TLK1: variants seen among roughly 807,000 people sequenced by gnomAD.
TLK1 encodes tousled like kinase 1, also known as serine/threonine-protein kinase tousled-like 1.
Under a neutral mutation model 105.3 loss-of-function variants are expected in TLK1, and 24 were observed. The ratio of observed to expected loss-of-function variants is 0.23; its 90% CI spans 0.17 to 0.32. The LOEUF is 0.32. Among genes scored for constraint, TLK1 ranks in the 10% least tolerant of loss-of-function variants. TLK1 has a pLI of 1.00. For synonymous variants in TLK1, 321 were observed against 310.4 expected (o/e 1.03, Z -0.36); for missense variants, 558 against 910.5 (o/e 0.61, Z 4.98).
upstream of TLK1, among the ~76,000 whole-genome samples, chr2:171,165,136 G>A (rs1475900281): frequency 6.6e-6 from 1 of 152,326 alleles, no homozygotes; most frequent in South Asian, 2.1e-4. Context: ...TTCCATGGAG[G>A]AATATTCCCA....
intron 2 of TLK1, among the ~76,000 whole-genome samples, chr2:171,093,317 A>T (rs1243741824): frequency 6.6e-6 from 1 of 152,208 alleles, no homozygotes; most frequent in Non-Finnish European, 1.5e-5. Flanking sequence ...GGTGTTGAAG[A>T]GGGACACAGG....
intron 3 of TLK1, among the ~76,000 whole-genome samples, chr2:171,068,221 C>T (rs1030543177): frequency 6.6e-6 from 1 of 151,898 alleles, no homozygotes; most frequent in African/African-American, 2.4e-5. Flanking sequence ...CCCAACTACT[C>T]GGGAGGTTGA....
intron 3 of TLK1, among the ~76,000 whole-genome samples, chr2:171,061,586 G>A (rs1687752177): frequency 1.3e-5 from 2 of 152,132 alleles, no homozygotes; most frequent in African/African-American, 4.8e-5. Flanking sequence ...GAAAAAAGGG[G>A]CAGAACACAA....
At position 171,009,339 on chromosome 2, in the gene TLK1, TGTCCCCCAGG is replaced by T. The variant is rs1684800639; in HGVS notation, c.1416+2024_1416+2033del. Among the ~76,000 whole-genome samples the T allele has an allele frequency of 5.7e-5, 8 of 140,216 alleles. No homozygotes were observed. The South Asian group carries it at 1.6e-3, about 29-fold the overall frequency. 92.0% of individuals were successfully genotyped at this position (140,216 alleles called of 152,430 possible). On this transcript the variant is annotated intron_variant, in intron 14 of 20. Transcript: ENST00000431350. ...TTTTTTGAGAGAAAATGTCTCCCTC[TGTCCCCCAGG>T]GTGGAGTGCAGTAGCACAATCTTGG...
chr2:171,037,739 A>G (rs1333175684), intron 11 of TLK1, among the ~76,000 whole-genome samples: 1 of 152,164 alleles, frequency 6.6e-6, no homozygotes, highest in Non-Finnish European at 1.5e-5. Flanking sequence ...GCATTTTTAT[A>G]TATTATATGT....
intron 1 of TLK1, among the ~76,000 whole-genome samples, chr2:171,226,926 A>G (rs1301419265): frequency 6.6e-6 from 1 of 152,178 alleles, no homozygotes; most frequent in Non-Finnish European, 1.5e-5. Context: ...TCTCAAACAG[A>G]TTTACATAAT....
chr2:171,209,700 A>G (rs1190231448), intron 1 of TLK1, among the ~76,000 whole-genome samples: 1 of 152,174 alleles, frequency 6.6e-6, no homozygotes. Flanking sequence ...CTAATCCAAT[A>G]TGCCTGGAGT....
intron 14 of TLK1, among the ~76,000 whole-genome samples, chr2:171,007,873 A>C (rs1275968042): frequency 6.6e-6 from 1 of 152,144 alleles, no homozygotes; most frequent in African/African-American, 2.4e-5. Flanking sequence ...GATTTGTTCA[A>C]ATCACCAGCC....
intron 1 of TLK1, among the ~76,000 whole-genome samples, chr2:171,146,838 T>A (rs1330326595): frequency 1.3e-5 from 2 of 152,240 alleles, no homozygotes; most frequent in Non-Finnish European, 2.9e-5. Context: ...CTGGAAACAG[T>A]TGCTCAATGA....
At chr2:171,096,884 T>C (rs1330428928) in intron 2 of TLK1, among the ~76,000 whole-genome samples, 2 of 152,156 alleles carry the variant, frequency 1.3e-5, no homozygotes, top group East Asian at 3.8e-4. Flanking sequence ...AAAGAATTAA[T>C]ATTGTTTAAC....
At chr2:171,059,717 A>G (rs1379154711) in intron 4 of TLK1, among the ~76,000 whole-genome samples, 2 of 152,122 alleles carry the variant, frequency 1.3e-5, no homozygotes, top group African/African-American at 2.4e-5. Context: ...TTATCCACAG[A>G]CTGCGGGGAG....
At chr2:171,093,740 G>A (rs1404755526) in intron 2 of TLK1, among the ~76,000 whole-genome samples, 1 of 152,058 alleles carries the variant, frequency 6.6e-6, no homozygotes, top group Non-Finnish European at 1.5e-5. Flanking sequence ...GAATAGGTAA[G>A]TAAGATCAGG....
chr2:171,111,246 G>C (rs1231100770), intron 2 of TLK1, among the ~76,000 whole-genome samples: 2 of 152,054 alleles, frequency 1.3e-5, no homozygotes, highest in African/African-American at 4.8e-5. Context: ...ATGAACTAAT[G>C]AACTAAATAT....
At chr2:171,069,367 T>C (rs1409924705) in intron 3 of TLK1, among the ~76,000 whole-genome samples, 2 of 152,194 alleles carry the variant, frequency 1.3e-5, no homozygotes, top group East Asian at 3.8e-4. Context: ...ACTTAAGAAG[T>C]CGCAATCTAG....
At chr2:171,195,269 G>C (rs1247971216) in intron 1 of TLK1, among the ~76,000 whole-genome samples, 8 of 151,642 alleles carry the variant, frequency 5.3e-5, no homozygotes, top group African/African-American at 1.2e-4. Flanking sequence ...TTTGGAAGGC[G>C]GAGGCGGGCG....
chr2:171,105,651 GCACTC>G (rs779710322), intron 2 of TLK1, among the ~76,000 whole-genome samples: 285 of 152,130 alleles, frequency 1.9e-3, no homozygotes, highest in Non-Finnish European at 2.4e-3. Flanking sequence ...CTGCGCCAGT[GCACTC>G]CAGCCTGGCG....
chr2:171,060,865 G>C (rs1687718409), intron 4 of TLK1, among the ~76,000 whole-genome samples: 1 of 152,104 alleles, frequency 6.6e-6, no homozygotes, highest in African/African-American at 2.4e-5. Context: ...ATGCTTGCCA[G>C]ATTTGGACAT....
intron 7 of TLK1, chr2:171,054,783 T>C (rs1687415573): frequency 1.0e-5 from 2 of 193,434 alleles, no homozygotes; most frequent in Admixed American, 6.0e-5. Context: ...AATGTCCACT[T>C]CTAAAAAATA....
chr2:171,067,613 C>T (rs1466517156), intron 3 of TLK1, among the ~76,000 whole-genome samples: 2 of 151,414 alleles, frequency 1.3e-5, no homozygotes, highest in Non-Finnish European at 2.9e-5. Context: ...ACCAATACAA[C>T]TTTTTTTTTA....
Sources: gnomAD v4.1 joint callset for allele counts (sites outside exome capture counted in the v4.1 genomes callset) on GRCh38, gnomAD v4.1.1 for gene constraint, MANE v1.5 for transcripts, NCBI Gene and HGNC (gene_info 2026-07-23, HGNC 2026-07-21) for gene names.